PA2G4: variants seen among roughly 807,000 people sequenced by gnomAD.
The protein encoded by PA2G4 is proliferation-associated 2G4.
In PA2G4, 8 loss-of-function variants were observed where a neutral mutation model predicts 53.3. The ratio of observed to expected loss-of-function variants is 0.15; its 90% confidence interval spans 0.09 to 0.27. The LOEUF (loss-of-function observed/expected upper bound fraction) is 0.27, where lower values mean the gene tolerates loss of function less well. Ranked by LOEUF, PA2G4 falls within the 10% of genes least tolerant of loss-of-function variation. PA2G4 has a pLI of 1.00. For missense variants in PA2G4, 208 were observed against 486.8 expected (o/e 0.43, Z 5.39); for synonymous variants, 143 against 169.8 (o/e 0.84, Z 1.23).
chr12:56,107,234 C>G lies in PA2G4; in HGVS notation c.371C>G (p.Thr124Ser). The change falls in exon 4 of 13, where the codon ACT becomes AGT. Residue 124 changes from threonine to serine, a missense_variant. By Grantham distance (58) the Thr-to-Ser change is moderately conservative. Around this residue, in one of 3 missense-constraint regions of PA2G4, gnomAD observed 143 missense variants for 386.8 expected, o/e 0.37. Transcript: ENST00000303305. ...VDGFIANVAH[T>S]FVVDVAQGTQ... Reference sequence around the variant, plus strand: ...GGCTTCATCGCTAATGTAGCTCACACTTTTGTGGTTGATGTAGCTCAGGTA... The same window carrying G: ...GGCTTCATCGCTAATGTAGCTCACAGTTTTGTGGTTGATGTAGCTCAGGTA... 1 of 1,613,328 alleles carries G rather than the reference C, an allele frequency of 6.2e-7. No individual in the cohort carries two copies. The highest frequency in any genetic ancestry group is 8.5e-7 in the Non-Finnish European group (1 of 1,179,858).
At position 56,113,156 on chromosome 12, in the gene PA2G4, A is replaced by G. The variant is rs183919740; in HGVS notation, c.*268A>G. The G allele has an allele frequency of 1.7e-4, 52 of 313,470 alleles. 1 individual carries two copies. The East Asian group carries it at 2.6e-3, about 16-fold the overall frequency. 19.4% of individuals were successfully genotyped at this position (313,470 alleles called of 1,614,324 possible). A position where few individuals can be genotyped will look rare whatever the true frequency, so the allele number is the denominator to read the frequency against. The stretch of plus-strand genomic sequence containing the variant: ...ATAATAAAATCAGGAGTCAAAATTC[A>G]TCGTCTTCAAGCCCCTCTTTCTAGC... On this transcript the variant is annotated 3_prime_UTR_variant, in exon 13 of 13. Coordinates refer to ENST00000303305, the MANE Select transcript of PA2G4 (RefSeq NM_006191.3).
At chr12:56,110,934 G>T (rs775475301) in intron 9 of PA2G4, 30 bp from the exon 10 acceptor site, 2 of 1,596,036 alleles carry the variant, frequency 1.3e-6, no homozygotes, top group African/African-American at 1.3e-5. Flanking sequence ...GGGAGTTAAA[G>T]ATACCTCTGA....
intron 5 of PA2G4, among the ~76,000 whole-genome samples, chr12:56,107,916 C>T (rs1869334975): frequency 6.6e-6 from 1 of 152,126 alleles, no homozygotes; most frequent in Admixed American, 6.5e-5. Context: ...GTATTCCCAG[C>T]TTCCAGGGAG....
chr12:56,109,309 A>T lies in PA2G4; in HGVS notation c.550+16A>T. 2 of 1,594,622 alleles carry T rather than the reference A, an allele frequency of 1.3e-6. No homozygotes were observed. The highest frequency in any genetic ancestry group is 1.7e-6 in the Non-Finnish European group (2 of 1,165,586). On this transcript the variant is annotated intron_variant, in intron 6 of 12. Coordinates refer to ENST00000303305, the MANE Select transcript of PA2G4 (RefSeq NM_006191.3). ...CCAATAGAAGGTGAGAACAGATAACAGGGTTGAGGGTCTAAGAATGAGTGG... is the reference window on the plus strand; with the variant it reads ...CCAATAGAAGGTGAGAACAGATAACTGGGTTGAGGGTCTAAGAATGAGTGG...
At chr12:56,105,547 T>A (rs1206138851) in intron 1 of PA2G4, among the ~76,000 whole-genome samples, 1 of 152,230 alleles carries the variant, frequency 6.6e-6, no homozygotes. Context: ...TAGTCTTAGT[T>A]AGCATTCACA....
chr12:56,109,774 A>T, intron 6 of PA2G4, 83 bp from the exon 7 acceptor site: 1 of 920,570 alleles, frequency 1.1e-6, no homozygotes, highest in Non-Finnish European at 1.8e-6. Context: ...ACTGCCTACC[A>T]CTTCAAACTA....
chr12:56,108,347 A>G (rs1016857466), intron 5 of PA2G4, among the ~76,000 whole-genome samples: 2 of 152,258 alleles, frequency 1.3e-5, no homozygotes, highest in African/African-American at 4.8e-5. Flanking sequence ...AGATTGGGAT[A>G]TACATCTGCC....
At chr12:56,106,894 T>A in intron 2 of PA2G4, 96 bp from the exon 3 acceptor site, 1 of 1,297,232 alleles carries the variant, frequency 7.7e-7, no homozygotes, top group Non-Finnish European at 1.1e-6. Context: ...TGATGAAACT[T>A]AAGCAAGACC....
chr12:56,111,380 A>C, intron 11 of PA2G4, 71 bp downstream of exon 11: 1 of 1,602,638 alleles, frequency 6.2e-7, no homozygotes, highest in Non-Finnish European at 8.5e-7. Context: ...AAATGCCAGC[A>C]AAGTCCTGAA....
At chr12:56,110,787 G>T in intron 9 of PA2G4, 95 bp downstream of exon 9, 2 of 1,483,010 alleles carry the variant, frequency 1.3e-6, no homozygotes, top group South Asian at 2.3e-5. Context: ...GACTTGTAGC[G>T]TGCATGTGCT....
rs756663581 is a variant in PA2G4, at chr12:56,111,161, AC to A, written c.938-20del. ...TGACAAAGGAACTTTTTATCAAAAC[AC>A]ATCTTCATTTTTGCCATAGGTGAAT... On this transcript the variant is annotated intron_variant, in intron 10 of 12. Transcript: ENST00000303305. 6.2e-7 allele frequency: 1 copy of A among 1,614,202 alleles called. No individual in the cohort carries two copies. Among genetic ancestry groups the A allele is most frequent in the East Asian group, 2.2e-5 (1 of 44,882 alleles).
rs1321693453 is a variant in PA2G4, at chr12:56,113,205, T to G, written c.*317T>G. 1 of 227,976 alleles carries G rather than the reference T, an allele frequency of 4.4e-6. No homozygotes were observed. The highest frequency in any genetic ancestry group is 8.5e-6 in the Non-Finnish European group (1 of 118,256). 14.1% of individuals were successfully genotyped at this position (227,976 alleles called of 1,614,324 possible). A position where few individuals can be genotyped will look rare whatever the true frequency, so the allele number is the denominator to read the frequency against. On this transcript the variant is annotated 3_prime_UTR_variant, in exon 13 of 13. Transcript: ENST00000303305. The stretch of plus-strand genomic sequence containing the variant: ...GCCTTTTCTACTACTCTCTGCTTGG[T>G]CAAGGTTTGTGCCCCACTACAGAAC...
Position 56,109,898 on chromosome 12 carries a change from G to A in PA2G4, c.592G>A (p.Glu198Lys). The A allele has an allele frequency of 6.2e-7, 1 of 1,613,914 alleles. No homozygotes were observed. Among genetic ancestry groups the A allele is most frequent in the South Asian group, 1.1e-5 (1 of 91,082 alleles). Reference protein sequence around the residue: ...HQLKQHVIDGEKTIIQNPTDQ... With the variant: ...HQLKQHVIDGKKTIIQNPTDQ... ...GTTGAAGCAGCATGTCATCGATGGA[G>A]AAAAAACCATTATCCAGAATCCCAC... Residue 198 changes from glutamate (E) to lysine (K), a missense_variant, in exon 7 of 13, where the codon GAA (glutamate) becomes AAA (lysine). Coordinates refer to ENST00000303305, the MANE Select transcript of PA2G4 (RefSeq NM_006191.3).
intron 1 of PA2G4, 93 bp from the exon 2 acceptor site, chr12:56,106,495 T>G (rs575484319): frequency 1.5e-6 from 2 of 1,369,540 alleles, no homozygotes; most frequent in Non-Finnish European, 1.9e-6. Context: ...GGGAGTATTA[T>G]GGAAACTCTT....
chr12:56,105,148 C>T (rs1483084910), intron 1 of PA2G4: 2 of 582,314 alleles, frequency 3.4e-6, no homozygotes, highest in Non-Finnish European at 3.2e-6. Context: ...ATTATTGCTT[C>T]CTCTGATTCT....
At chr12:56,109,206 T>C in intron 5 of PA2G4, 24 bp from the exon 6 acceptor site, 1 of 1,570,814 alleles carries the variant, frequency 6.4e-7, no homozygotes, top group South Asian at 1.1e-5. Context: ...ATATCTCACC[T>C]TTCATTTGAT....
In PA2G4 at chr12:56,113,811, A is replaced by C. The variant is rs1209655384; in HGVS notation, c.*923A>C. The C allele has an allele frequency of 1.4e-6, 1 of 701,726 alleles. No individual in the cohort carries two copies. Among genetic ancestry groups the C allele is most frequent in the Admixed American group, 2.0e-5 (1 of 49,924 alleles). The allele number at this position is 701,726 out of a possible 1,614,324, so 43.5% of individuals were successfully genotyped here. A position where few individuals can be genotyped will look rare whatever the true frequency, so the allele number is the denominator to read the frequency against. ...GGTGACAAATTTCAGTACCTCTGGC[A>C]TGCTGTCCCAGGAAACTAGGGCTCC... On this transcript the variant is annotated 3_prime_UTR_variant, in exon 13 of 13. Transcript: ENST00000303305.
rs1869317053 is a variant in PA2G4, at chr12:56,107,079, G to A, written c.307G>A (p.Gly103Ser). 1 of 1,613,134 alleles carries A rather than the reference G, an allele frequency of 6.2e-7. No individual in the cohort carries two copies. The highest frequency in any genetic ancestry group is 1.1e-5 in the South Asian group (1 of 91,058). Residue 103 changes from glycine (G) to serine (S), a missense_variant, in exon 3 of 13, where the codon GGT (glycine) becomes AGT (serine). Coordinates refer to ENST00000303305, the MANE Select transcript of PA2G4 (RefSeq NM_006191.3). ...KSDQDYILKEGDLVKIDLGVH... is the reference protein window; with the variant it reads ...KSDQDYILKESDLVKIDLGVH... ...CGACCAGGATTATATTCTCAAGGAA[G>A]GTGACTTGGTAAAAATGTAAGGTTA...
At chr12:56,111,643 T>TGATAGAACTTTGTCCCA (rs1238650912) in intron 12 of PA2G4, 114 bp downstream of exon 12, 3 of 889,792 alleles carry the variant, frequency 3.4e-6, no homozygotes, top group Non-Finnish European at 5.4e-6. Context: ...TCAACTTATA[T>TGATAGAACTTTGTCCCA]GATAGAACTT....
Sources: allele counts gnomAD v4.1 joint callset (sites outside exome capture counted in the v4.1 genomes callset), GRCh38; gene constraint gnomAD v4.1.1; regional missense constraint gnomAD v4.1.1; transcripts MANE v1.5; gene names NCBI Gene and HGNC (gene_info 2026-07-23, HGNC 2026-07-21).